Variants in XPO7 observed in about 807,000 individuals in gnomAD.
The protein encoded by XPO7 is exportin-7.
Under a neutral mutation model 144.3 loss-of-function variants are expected in XPO7, and 21 were observed. The ratio of observed to expected loss-of-function variants is 0.15; its 90% CI spans 0.10 to 0.21. The LOEUF is 0.21. XPO7 is among the 10% of genes least tolerant of loss of function. The probability of loss-of-function intolerance (pLI) is 1.00; values close to 1 mark genes in which losing one functional copy is unlikely to be tolerated. For missense variants in XPO7, 808 were observed against 1,325.8 expected (o/e 0.61, Z 6.06); for synonymous variants, 580 against 499.6 (o/e 1.16, Z -2.15).
Position 21,999,265 on chromosome 8 carries a change from T to C in XPO7, c.2603T>C (p.Phe868Ser). The C allele has an allele frequency of 6.2e-7, 1 of 1,613,512 alleles. No individual in the cohort carries two copies. Among genetic ancestry groups the C allele is most frequent in the Non-Finnish European group, 8.5e-7 (1 of 1,179,874 alleles). Residue 868 changes from phenylalanine (F) to serine (S), a missense_variant, in exon 23 of 28, where the codon TTC becomes TCC. Coordinates refer to ENST00000252512, the MANE Select transcript of XPO7 (RefSeq NM_015024.5). ...GCCCTGGACAATGCTCTGCAGACCT[T>C]CATCAAGCTGCTCCTCTCTATTCCT... The part of the protein sequence containing the change: ...DDALDNALQT[F>S]IKLLLSIPHS...
At chr8:22,003,404 GA>G (rs765719317) in intron 26 of XPO7, 87 bp downstream of exon 26, 62 of 1,032,340 alleles carry the variant, frequency 6.0e-5, no homozygotes, top group Non-Finnish European at 8.7e-5. Context: ...AATGTGTATA[GA>G]AACACCCCAC....
chr8:21,949,295 A>T (rs973384714), intron 1 of XPO7, among the ~76,000 whole-genome samples: 63 of 152,270 alleles, frequency 4.1e-4, no homozygotes, highest in African/African-American at 1.4e-3. Context: ...GGATTCCGTT[A>T]TTGCTCTGTC....
chr8:21,934,481 C>A (rs1047826090), intron 1 of XPO7, among the ~76,000 whole-genome samples: 1 of 151,408 alleles, frequency 6.6e-6, no homozygotes, highest in African/African-American at 2.4e-5. Context: ...TACGGTGAGC[C>A]GAGATTGCGC....
intron 24 of XPO7, among the ~76,000 whole-genome samples, 163 bp downstream of exon 24, chr8:21,999,837 C>G (rs114812393): frequency 6.6e-6 from 1 of 152,316 alleles, no homozygotes; most frequent in African/African-American, 2.4e-5. Context: ...TTATCCAGCA[C>G]ACACTCACTG....
At chr8:21,927,095 A>T (rs763585898) in intron 1 of XPO7, among the ~76,000 whole-genome samples, 2 of 152,180 alleles carry the variant, frequency 1.3e-5, no homozygotes, top group African/African-American at 2.4e-5. Context: ...GGGAGTATTT[A>T]AGGACAGGCC....
chr8:21,919,990 C>T (rs1193153474), intron 1 of XPO7, among the ~76,000 whole-genome samples: 2 of 151,768 alleles, frequency 1.3e-5, no homozygotes, highest in African/African-American at 4.8e-5. Flanking sequence ...CGTCCCCTCC[C>T]ACCCGGTCCC....
intron 1 of XPO7, among the ~76,000 whole-genome samples, chr8:21,960,608 A>G (rs1461938088): frequency 1.3e-5 from 2 of 152,240 alleles, no homozygotes; most frequent in Non-Finnish European, 2.9e-5. Context: ...CTCATATGGT[A>G]GTGGACTTGC....
At chr8:21,990,504 T>C (rs917096156) in intron 17 of XPO7, 97 bp downstream of exon 17, 1 of 1,373,916 alleles carries the variant, frequency 7.3e-7, no homozygotes, top group Middle Eastern at 1.8e-4. Flanking sequence ...TCCCGGGTAT[T>C]GCTACAGCAA....
At chr8:21,954,393 T>C (rs973713646) in intron 1 of XPO7, among the ~76,000 whole-genome samples, 1 of 152,178 alleles carries the variant, frequency 6.6e-6, no homozygotes, top group African/African-American at 2.4e-5. Flanking sequence ...CCCAGCACAT[T>C]GGGAAGCCAA....
At position 21,951,924 on chromosome 8, in the gene XPO7, TAATC is replaced by T. The variant is rs1811386226; in HGVS notation, c.19-14930_19-14927del. Among the ~76,000 whole-genome samples, 3 of 152,334 alleles carry T rather than the reference TAATC, an allele frequency of 2.0e-5. No individual in the cohort carries two copies. The South Asian group carries it at 6.2e-4, about 32-fold the overall frequency. Reference sequence around the variant, plus strand: ...AGAAGTGATGAAGAGACACAGCAGTTAATCAAGATAGGAGGGATTGGTGATAACC... The same window carrying T: ...AGAAGTGATGAAGAGACACAGCAGTTAAGATAGGAGGGATTGGTGATAACC... On this transcript the variant is annotated intron_variant, in intron 1 of 27. Coordinates refer to ENST00000252512, the MANE Select transcript of XPO7 (RefSeq NM_015024.5).
At chr8:21,932,522 T>A (rs1383798656) in intron 1 of XPO7, among the ~76,000 whole-genome samples, 1 of 152,204 alleles carries the variant, frequency 6.6e-6, no homozygotes, top group Non-Finnish European at 1.5e-5. Context: ...AATGTTCTGT[T>A]TCGAGTTTCT....
In XPO7 at chr8:21,991,958, A is replaced by G. The variant is rs750008206; in HGVS notation, c.2132A>G (p.Asn711Ser). 3 of 1,613,492 alleles carry G rather than the reference A, an allele frequency of 1.9e-6. No individual in the cohort carries two copies. The highest frequency in any genetic ancestry group is 2.5e-6 in the Non-Finnish European group (3 of 1,179,754). The change falls in exon 19 of 28, where the codon AAC becomes AGC. Residue 711 changes from asparagine (N) to serine (S), a missense_variant. Coordinates refer to ENST00000252512, the MANE Select transcript of XPO7 (RefSeq NM_015024.5). ...CAGATGTTTAGCACCAATAGTTTCAACGAGCAGGAGGCAAAGGTGAGTGAG... is the reference window on the plus strand; with the variant it reads ...CAGATGTTTAGCACCAATAGTTTCAGCGAGCAGGAGGCAAAGGTGAGTGAG... ...VAQMFSTNSF[N>S]EQEAKRTLVG...
At chr8:21,976,301 C>G (rs1246291814) in intron 6 of XPO7, 55 bp from the exon 7 acceptor site, 23 of 1,579,280 alleles carry the variant, frequency 1.5e-5, no homozygotes, top group Non-Finnish European at 2.0e-5. Context: ...AGTCTGGGAG[C>G]AAGCTGGGAA....
At chr8:21,985,815 A>G (rs1812560825) in intron 13 of XPO7, 124 bp downstream of exon 13, 1 of 768,700 alleles carries the variant, frequency 1.3e-6, no homozygotes. Flanking sequence ...CACAGCTTTC[A>G]AGGCTTTTGT....
In XPO7 at chr8:21,994,354, C is replaced by G; in HGVS notation, c.2149-9C>G. 1 of 1,610,002 alleles carries G rather than the reference C, an allele frequency of 6.2e-7. No individual in the cohort carries two copies. On this transcript the variant is annotated splice_polypyrimidine_tract_variant and intron_variant, in intron 19 of 27. Coordinates refer to ENST00000252512, the MANE Select transcript of XPO7 (RefSeq NM_015024.5). ...TTCTATTTTAACACATTTTTGCCTT[C>G]TACTACAGCGAACTCTAGTTGGCCT...
chr8:21,983,765 C>T (rs1255623824), intron 11 of XPO7, among the ~76,000 whole-genome samples: 1 of 152,204 alleles, frequency 6.6e-6, no homozygotes. Context: ...ATAGGCCTGC[C>T]TCATAAGGTT....
At chr8:21,967,109 T>C (rs1162998503) in intron 2 of XPO7, 106 bp downstream of exon 2, 9 of 1,418,748 alleles carry the variant, frequency 6.3e-6, no homozygotes, top group Non-Finnish European at 8.4e-6. Context: ...CTGATTTTTC[T>C]AGGTGTCCCT....
At position 22,005,636 on chromosome 8, in the gene XPO7, A is replaced by C. The variant is rs775118403; in HGVS notation, c.*548A>C. On this transcript the variant is annotated 3_prime_UTR_variant, in exon 28 of 28. Transcript: ENST00000252512. ...ATATTTAGTGACACAGTAGAGAGGCAAAAAAAAAGCTAAAATTCCAAATGT... is the reference window on the plus strand; with the variant it reads ...ATATTTAGTGACACAGTAGAGAGGCCAAAAAAAAGCTAAAATTCCAAATGT... 2.0e-5 allele frequency: 3 copies of C among 150,220 alleles called. No homozygotes were observed. The highest frequency in any genetic ancestry group is 3.0e-5 in the Non-Finnish European group (2 of 67,750). The allele number at this position is 150,220 out of a possible 1,614,324, so 9.3% of individuals were successfully genotyped here.
chr8:21,971,092 C>T (rs928342789), intron 4 of XPO7, among the ~76,000 whole-genome samples: 2 of 152,180 alleles, frequency 1.3e-5, no homozygotes, highest in Non-Finnish European at 2.9e-5. Flanking sequence ...TTTAGATACA[C>T]AAACACTTAC....
Sources: allele counts gnomAD v4.1 joint callset (sites outside exome capture counted in the v4.1 genomes callset), GRCh38; gene constraint gnomAD v4.1.1; transcripts MANE v1.5; gene names NCBI Gene and HGNC (gene_info 2026-07-23, HGNC 2026-07-21).